HAS3: variants seen among roughly 807,000 people sequenced by gnomAD.
The protein encoded by HAS3 is HA synthase 3.
A neutral mutation model predicts 50.3 loss-of-function variants in HAS3; 27 were observed. That is an observed-to-expected ratio of 0.54 (90% CI 0.40 to 0.74). The LOEUF is 0.74. Among genes scored for constraint, HAS3 ranks in the 30% least tolerant of loss-of-function variants. The pLI is 0.00. For missense variants in HAS3, 517 were observed against 742.8 expected, an observed-to-expected ratio of 0.70 and a Z score of 3.53; for synonymous variants, 339 against 310.9, an observed-to-expected ratio of 1.09 and a Z score of -0.95.
chr16:69,097,056 G>T, the HAS3 span, among the ~76,000 whole-genome samples: 10 of 152,238 alleles, frequency 6.6e-5, no homozygotes, highest in African/African-American at 2.4e-4. Context: ...GGAGGCTAAG[G>T]TGGGAGGATC....
At chr16:69,110,148 G>T (rs1960951988) in intron 2 of HAS3, 117 bp downstream of exon 2, 2 of 1,061,450 alleles carry the variant, frequency 1.9e-6, no homozygotes, top group African/African-American at 3.2e-5. Context: ...ACACACCTGT[G>T]CACTTAAGAA....
At chr16:69,111,550 A>C (rs2152257989) in intron 2 of HAS3, among the ~76,000 whole-genome samples, 1 of 152,282 alleles carries the variant, frequency 6.6e-6, no homozygotes, top group East Asian at 1.9e-4. Context: ...TGAGTCCCCT[A>C]ATACGATTTT....
At chr16:69,118,068 C>T, downstream of HAS3, 1 of 487,562 alleles carries the variant, frequency 2.1e-6, no homozygotes, top group Non-Finnish European at 3.7e-6. Context: ...AGGAAAACCA[C>T]CAACCATCCT....
At chr16:69,090,339 G>GAAAA in the HAS3 span, among the ~76,000 whole-genome samples, 1 of 152,174 alleles carries the variant, frequency 6.6e-6, no homozygotes, top group South Asian at 2.1e-4. Context: ...GTGCGTATTT[G>GAAAA]TGTACATTTT....
the HAS3 span, among the ~76,000 whole-genome samples, chr16:69,098,111 C>T: frequency 5.3e-5 from 8 of 152,050 alleles, no homozygotes; most frequent in Admixed American, 1.3e-4. Context: ...CTGCCAGGCG[C>T]GGTGGCTCAT....
chr16:69,111,708 T>C (rs1470573022), intron 2 of HAS3, among the ~76,000 whole-genome samples: 1 of 152,186 alleles, frequency 6.6e-6, no homozygotes, highest in Non-Finnish European at 1.5e-5. Flanking sequence ...TTAGGAGAGC[T>C]TAGCAGGCTG....
chr16:69,087,259 C>T, the HAS3 span, among the ~76,000 whole-genome samples: 2 of 152,222 alleles, frequency 1.3e-5, no homozygotes, highest in African/African-American at 4.8e-5. Flanking sequence ...CCTTGCTCTA[C>T]AGGGGATGGC....
chr16:69,115,572 C>T lies in HAS3; in HGVS notation c.*306C>T. On this transcript the variant is annotated 3_prime_UTR_variant, in exon 4 of 4. Coordinates refer to ENST00000569188, the MANE Select transcript of HAS3 (RefSeq NM_001199280.2). Reference sequence around the variant, plus strand: ...CTCCAGAGGGCACTCAGAAGTTGTGCTAAACCAAGTTAAGTCCCATTCAGT... The same window carrying T: ...CTCCAGAGGGCACTCAGAAGTTGTGTTAAACCAAGTTAAGTCCCATTCAGT... 2 of 1,097,990 alleles carry T rather than the reference C, an allele frequency of 1.8e-6. No homozygotes were observed. Among genetic ancestry groups the T allele is most frequent in the Non-Finnish European group, 2.2e-6 (2 of 901,994 alleles). The allele number at this position is 1,097,990 out of a possible 1,614,324, so 68.0% of individuals were successfully genotyped here. A position where few individuals can be genotyped will look rare whatever the true frequency, so the allele number is the denominator to read the frequency against.
chr16:69,111,780 C>T (rs955963669), intron 2 of HAS3, among the ~76,000 whole-genome samples: 1 of 152,174 alleles, frequency 6.6e-6, no homozygotes, highest in Non-Finnish European at 1.5e-5. Context: ...GACCCAAATG[C>T]TTAGGGAAAA....
rs957230968 is a variant in HAS3 at position 69,117,180 on chromosome 16, G to A, written c.*1914G>A. 1 of 985,766 alleles carries A rather than the reference G, an allele frequency of 1.0e-6. No homozygotes were observed. The highest frequency in any genetic ancestry group is 1.2e-6 in the Non-Finnish European group (1 of 829,958). 61.1% of individuals were successfully genotyped at this position (985,766 alleles called of 1,614,324 possible). A position where few individuals can be genotyped will look rare whatever the true frequency, so the allele number is the denominator to read the frequency against. On this transcript the variant is annotated 3_prime_UTR_variant, in exon 4 of 4. Coordinates refer to ENST00000569188, the MANE Select transcript of HAS3 (RefSeq NM_001199280.2). ...AGAAGTTAAACTATTTTGAGCATTA[G>A]AATGGAGGAAATCCGGTCAGCCAAG...
rs918282641 is a variant in HAS3, at chr16:69,116,070, G to C, written c.*804G>C. ...GCTTGTCTGTGATCTCTGCTGGGGA[G>C]ATAAAAAGATTAAGCCCCAACATGT... On this transcript the variant is annotated 3_prime_UTR_variant, in exon 4 of 4. Coordinates refer to ENST00000569188, the MANE Select transcript of HAS3 (RefSeq NM_001199280.2). 1.0e-6 allele frequency: 1 copy of C among 985,490 alleles called. No homozygotes were observed. Among genetic ancestry groups the C allele is most frequent in the Non-Finnish European group, 1.2e-6 (1 of 829,878 alleles). The allele number at this position is 985,490 out of a possible 1,614,324, so 61.0% of individuals were successfully genotyped here. A position where few individuals can be genotyped will look rare whatever the true frequency, so the allele number is the denominator to read the frequency against.
chr16:69,101,393 C>T (rs140549445), upstream of HAS3, among the ~76,000 whole-genome samples: 525 of 152,160 alleles, frequency 3.5e-3, 3 homozygotes, highest in South Asian at 0.011. Flanking sequence ...CTCCGCCTCC[C>T]GGGTTCAAGG....
At chr16:69,111,802 C>T (rs1961011689) in intron 2 of HAS3, among the ~76,000 whole-genome samples, 1 of 152,170 alleles carries the variant, frequency 6.6e-6, no homozygotes, top group Non-Finnish European at 1.5e-5. Flanking sequence ...CCCTTGAGCC[C>T]TGGCACAGGC....
rs1425579411 is a variant in HAS3 at position 69,117,336 on chromosome 16, A to C, written c.*2070A>C. The C allele has an allele frequency of 2.0e-6, 2 of 985,704 alleles. No homozygotes were observed. Among genetic ancestry groups the C allele is most frequent in the Non-Finnish European group, 2.4e-6 (2 of 829,932 alleles). The allele number at this position is 985,704 out of a possible 1,614,324, so 61.1% of individuals were successfully genotyped here. On this transcript the variant is annotated 3_prime_UTR_variant, in exon 4 of 4. Coordinates refer to ENST00000569188, the MANE Select transcript of HAS3 (RefSeq NM_001199280.2). ...GCACTGTGGTCGTCAACTTTCCTCAAATCAAAAACAGGCAGGTACAGGTAG... is the reference window on the plus strand; with the variant it reads ...GCACTGTGGTCGTCAACTTTCCTCACATCAAAAACAGGCAGGTACAGGTAG...
chr16:69,096,148 C>CGAGACTGCA, the HAS3 span, among the ~76,000 whole-genome samples: 1 of 144,636 alleles, frequency 6.9e-6, no homozygotes, highest in African/African-American at 2.6e-5. Context: ...CCTAAGAGGC[C>CGAGACTGCA]GAGACTGCAG....
chr16:69,104,107 T>G (rs1390996771), upstream of HAS3, among the ~76,000 whole-genome samples: 1 of 152,100 alleles, frequency 6.6e-6, no homozygotes, highest in East Asian at 1.9e-4. Flanking sequence ...GAATTTGTTT[T>G]TGAGACAGCG....
At chr16:69,099,716 C>T in the HAS3 span, among the ~76,000 whole-genome samples, 15 of 152,160 alleles carry the variant, frequency 9.9e-5, no homozygotes, top group African/African-American at 3.6e-4. Flanking sequence ...AACACTGCAT[C>T]GTAGGTGTCT....
chr16:69,092,673 C>T, the HAS3 span, among the ~76,000 whole-genome samples: 4 of 151,726 alleles, frequency 2.6e-5, no homozygotes, highest in African/African-American at 9.7e-5. Flanking sequence ...AGCTTTAACC[C>T]AAATAGCCTC....
chr16:69,113,821 C>G (rs531537543), intron 3 of HAS3, among the ~76,000 whole-genome samples: 1 of 152,296 alleles, frequency 6.6e-6, no homozygotes, highest in Admixed American at 6.5e-5. Flanking sequence ...GAAGGTACTT[C>G]CTTTTTGGCC....
Sources: gnomAD v4.1 joint callset for allele counts (sites outside exome capture counted in the v4.1 genomes callset) on GRCh38, gnomAD v4.1.1 for gene constraint, MANE v1.5 for transcripts, NCBI Gene and HGNC (gene_info 2026-07-23, HGNC 2026-07-21) for gene names.